SLC17A3: variants seen among roughly 807,000 people sequenced by gnomAD.
SLC17A3 encodes solute carrier family 17 member 3.
In SLC17A3, 61 loss-of-function variants were observed where a neutral mutation model predicts 60.3. The observed-to-expected ratio is 1.01, with a 90% CI of 0.82 to 1.25. The LOEUF (loss-of-function observed/expected upper bound fraction) is 1.25. SLC17A3 is among the 50% of genes most tolerant of loss of function. The pLI, the probability that SLC17A3 is intolerant of heterozygous loss-of-function variation, is 0.00. For synonymous variants in SLC17A3, 192 were observed against 208.9 expected (o/e 0.92, Z 0.70); for missense variants, 624 against 594.9 (o/e 1.05, Z -0.51).
At chr6:25,852,648 T>C (rs545458674) in intron 6 of SLC17A3, among the ~76,000 whole-genome samples, 17 of 152,300 alleles carry the variant, frequency 1.1e-4, no homozygotes, top group Admixed American at 1.1e-3. Context: ...GTACTTTTCA[T>C]CTCTATAAGT....
intron 1 of SLC17A3, among the ~76,000 whole-genome samples, chr6:25,868,824 T>TAAA (rs1765583453): frequency 6.6e-6 from 1 of 151,954 alleles, no homozygotes; most frequent in African/African-American, 2.4e-5. Context: ...CCTAGAACAC[T>TAAA]GCCAGACACC....
intron 5 of SLC17A3, among the ~76,000 whole-genome samples, chr6:25,858,348 T>C (rs957784196): frequency 6.6e-6 from 1 of 152,150 alleles, no homozygotes; most frequent in Non-Finnish European, 1.5e-5. Context: ...CCATTTTCAC[T>C]CTCAAAACAC....
intron 2 of SLC17A3, among the ~76,000 whole-genome samples, chr6:25,865,944 G>A (rs1765526947): frequency 6.6e-6 from 1 of 152,010 alleles, no homozygotes; most frequent in South Asian, 2.1e-4. Context: ...TTGAATGTGA[G>A]AGGTTATATT....
rs566093391 is a variant in SLC17A3 at position 25,862,666 on chromosome 6, G to A, written c.92-222C>T. Among the ~76,000 whole-genome samples the A allele has an allele frequency of 2.0e-5, 3 of 151,658 alleles. No homozygotes were observed. In the East Asian group the frequency reaches 5.9e-4, roughly 30 times the overall value. On this transcript the variant is annotated intron_variant, in intron 2 of 12. Transcript: ENST00000397060. Reference sequence around the variant, plus strand: ...TTGTAGAGCCTAACTTGATCTCGGGGGTTCTGTTCATCCTAGAATTTTGTA... The same window carrying A: ...TTGTAGAGCCTAACTTGATCTCGGGAGTTCTGTTCATCCTAGAATTTTGTA...
intron 2 of SLC17A3, 118 bp from the exon 3 acceptor site, chr6:25,862,562 A>G (rs775274504): frequency 4.5e-5 from 39 of 858,568 alleles, no homozygotes; most frequent in Non-Finnish European, 6.7e-5. Flanking sequence ...TACTTAAATG[A>G]CACTTCTGTT....
intron 11 of SLC17A3, among the ~76,000 whole-genome samples, chr6:25,846,584 C>T (rs1333972651): frequency 4.6e-5 from 7 of 152,156 alleles, no homozygotes; most frequent in African/African-American, 1.7e-4. Context: ...CACAAAAGAA[C>T]CATCTGGGTG....
chr6:25,850,919 C>T, intron 6 of SLC17A3, 42 bp from the exon 7 acceptor site: 2 of 1,443,522 alleles, frequency 1.4e-6, no homozygotes, highest in East Asian at 2.3e-5. Flanking sequence ...CTGTTTTCTG[C>T]TTTTTGGGTG....
Position 25,861,563 on chromosome 6 carries a change from CA to C in SLC17A3, c.625+60del. The C allele has an allele frequency of 2.2e-6, 3 of 1,382,896 alleles. 1 individual carries two copies. In the South Asian group the frequency reaches 3.5e-5, roughly 16 times the overall value. The allele number at this position is 1,382,896 out of a possible 1,614,324, so 85.7% of individuals were successfully genotyped here. A position where few individuals can be genotyped will look rare whatever the true frequency, so the allele number is the denominator to read the frequency against. On this transcript the variant is annotated intron_variant, in intron 5 of 12. Transcript: ENST00000397060. ...GAGGAACTATGCAATGAAAAGTTGTCAAGGAACCCAGTGGGAAAATGTTGGA... is the reference window on the plus strand; with the variant it reads ...GAGGAACTATGCAATGAAAAGTTGTCAGGAACCCAGTGGGAAAATGTTGGA...
intron 2 of SLC17A3, among the ~76,000 whole-genome samples, chr6:25,865,939 T>C (rs551159715): frequency 1.4e-4 from 22 of 152,032 alleles, no homozygotes; most frequent in Non-Finnish European, 2.6e-4. Context: ...GGTTTTTGAA[T>C]GTGAGAGGTT....
intron 5 of SLC17A3, among the ~76,000 whole-genome samples, chr6:25,860,828 T>G (rs2151524177): frequency 6.6e-6 from 1 of 152,306 alleles, no homozygotes; most frequent in Admixed American, 6.5e-5. Flanking sequence ...GATTTTCTTG[T>G]GCTGTATTCT....
intron 1 of SLC17A3, among the ~76,000 whole-genome samples, chr6:25,868,863 T>G (rs1765583843): frequency 6.6e-6 from 1 of 151,976 alleles, no homozygotes. Flanking sequence ...TAATACAGTT[T>G]ATTGTCATCA....
At chr6:25,869,791 T>TA (rs1765611340) in intron 1 of SLC17A3, among the ~76,000 whole-genome samples, 1 of 151,938 alleles carries the variant, frequency 6.6e-6, no homozygotes, top group Admixed American at 6.6e-5. Flanking sequence ...GACACTTGGG[T>TA]ATTATGTGGA....
At position 25,845,448 on chromosome 6, in the gene SLC17A3, G is replaced by T; in HGVS notation, c.1431C>A (p.Phe477Leu). ...CATCTGCTTCTCCAAATATGAGGTA[G>T]AAGAGTAGTCCTAACAGGTTAACGG... Reference protein sequence around the residue: ...LFAVNLLGLLFYLIFGEADVQ... With the variant: ...LFAVNLLGLLLYLIFGEADVQ... Residue 477 changes from phenylalanine (F) to leucine (L), a missense_variant, in exon 12 of 13, where the codon TTC becomes TTA. Coordinates refer to ENST00000397060, the MANE Select transcript of SLC17A3 (RefSeq NM_001098486.2). The T allele has an allele frequency of 6.2e-7, 1 of 1,613,980 alleles. No individual in the cohort carries two copies. Among genetic ancestry groups the T allele is most frequent in the South Asian group, 1.1e-5 (1 of 91,080 alleles).
chr6:25,849,447 A>T lies in SLC17A3; in HGVS notation c.1289T>A (p.Met430Lys). 1 of 1,610,998 alleles carries T rather than the reference A, an allele frequency of 6.2e-7. No homozygotes were observed. The highest frequency in any genetic ancestry group is 2.2e-5 in the East Asian group (1 of 44,854). Residue 430 changes from methionine to lysine, a missense_variant, in exon 11 of 13, where the codon ATG (methionine) becomes AAG (lysine). Coordinates refer to ENST00000397060, the MANE Select transcript of SLC17A3 (RefSeq NM_001098486.2). ...DIAPRYSSFL[M>K]GASRGFSSIA... The stretch of plus-strand genomic sequence containing the variant: ...GCTCGAAAATCCTCTTGATGCTCCC[A>T]TGAGAAAACTGGAATACCTGTGGGT...
rs7741430 is a variant in SLC17A3, at chr6:25,849,677, C to T, written c.1271+128G>A. The T allele has an allele frequency of 7.1e-3, 7,571 of 1,071,434 alleles. 229 individuals carry two copies. In the African/African-American group the frequency reaches 0.081, roughly 11 times the overall value. The allele number at this position is 1,071,434 out of a possible 1,614,324, so 66.4% of individuals were successfully genotyped here. On this transcript the variant is annotated intron_variant, in intron 10 of 12. Transcript: ENST00000397060. ...CCTTCCTCAACATACCTGAAAAAAACGGCCACAGGTCTATCTGTGGTTCTT... is the reference window on the plus strand; with the variant it reads ...CCTTCCTCAACATACCTGAAAAAAATGGCCACAGGTCTATCTGTGGTTCTT...
chr6:25,862,798 AAAT>A (rs1765474665), intron 2 of SLC17A3, among the ~76,000 whole-genome samples: 1 of 150,754 alleles, frequency 6.6e-6, no homozygotes, highest in African/African-American at 2.4e-5. Context: ...TATGAAAAGA[AAAT>A]ATATACATAT....
At chr6:25,859,477 C>G (rs1765412288) in intron 5 of SLC17A3, among the ~76,000 whole-genome samples, 1 of 152,176 alleles carries the variant, frequency 6.6e-6, no homozygotes, top group South Asian at 2.1e-4. Flanking sequence ...GCCTGTTTAA[C>G]AACACAGCAC....
At chr6:25,858,561 A>G (rs1765396826) in intron 5 of SLC17A3, among the ~76,000 whole-genome samples, 1 of 152,018 alleles carries the variant, frequency 6.6e-6, no homozygotes, top group South Asian at 2.1e-4. Flanking sequence ...TCTTCTGTCT[A>G]AGTCCTGAAT....
At chr6:25,863,906 A>G (rs891997465) in intron 2 of SLC17A3, among the ~76,000 whole-genome samples, 1 of 152,088 alleles carries the variant, frequency 6.6e-6, no homozygotes, top group African/African-American at 2.4e-5. Context: ...AGCAGCAAAC[A>G]TAGCACACAA....
Sources: gnomAD v4.1 joint callset for allele counts (sites outside exome capture counted in the v4.1 genomes callset) on GRCh38, gnomAD v4.1.1 for gene constraint, MANE v1.5 for transcripts, NCBI Gene and HGNC (gene_info 2026-07-23, HGNC 2026-07-21) for gene names.